CD38: variants seen among roughly 807,000 people sequenced by gnomAD.
CD38 encodes the protein ADP-ribosyl cyclase/cyclic ADP-ribose hydrolase 1.
A neutral mutation model predicts 36.3 loss-of-function variants in CD38; 31 were observed. The ratio of observed to expected loss-of-function variants is 0.85; its 90% CI spans 0.64 to 1.15. The LOEUF (loss-of-function observed/expected upper bound fraction) is 1.15, where lower values mean the gene tolerates loss of function less well. Among genes scored for constraint, CD38 ranks in the 50% most tolerant of loss-of-function variants. The probability of loss-of-function intolerance (pLI) is 0.00; values close to 1 mark genes in which losing one functional copy is unlikely to be tolerated. For missense variants in CD38, 380 were observed against 371.9 expected (o/e 1.02, Z -0.18); for synonymous variants, 131 against 135.2 (o/e 0.97, Z 0.22).
chr4:15,804,128 G>C (rs1723288527), intron 1 of CD38, among the ~76,000 whole-genome samples: 1 of 152,108 alleles, frequency 6.6e-6, no homozygotes, highest in African/African-American at 2.4e-5. Context: ...ATAAGTGCAT[G>C]TCTTTTTTTT....
At chr4:15,841,486 C>T (rs1339925084) in intron 7 of CD38, among the ~76,000 whole-genome samples, 2 of 152,222 alleles carry the variant, frequency 1.3e-5, no homozygotes, top group African/African-American at 4.8e-5. Context: ...GAGCATTCTA[C>T]AGCAGTTAGA....
intron 3 of CD38, chr4:15,825,570 C>G (rs1723828714): frequency 6.6e-6 from 1 of 152,220 alleles, no homozygotes; most frequent in Non-Finnish European, 1.5e-5. Context: ...ATAGCACTAC[C>G]CTTAATGGCA....
chr4:15,826,155 G>GCAA (rs1723839724), intron 3 of CD38: 1 of 151,942 alleles, frequency 6.6e-6, no homozygotes, highest in African/African-American at 2.4e-5. Context: ...ATGCATAAAA[G>GCAA]CAAAAAGCAA....
rs1447124925 is a variant in CD38, at chr4:15,851,502, CT to C, written c.*2904del. 2 of 152,152 alleles carry C rather than the reference CT, an allele frequency of 1.3e-5. No homozygotes were observed. The highest frequency in any genetic ancestry group is 4.8e-5 in the African/African-American group (2 of 41,414). 9.4% of individuals were successfully genotyped at this position (152,152 alleles called of 1,614,324 possible). On this transcript the variant is annotated 3_prime_UTR_variant, in exon 8 of 8. Coordinates refer to ENST00000226279, the MANE Select transcript of CD38 (RefSeq NM_001775.4). ...GGGAATGACCTGGGCCCTAATGCCC[CT>C]TTTCTAAATTCCTAAGGCTCACCAT... is the stretch of plus-strand genomic sequence containing the variant.
At chr4:15,794,897 G>A (rs960253183) in intron 1 of CD38, among the ~76,000 whole-genome samples, 34 of 152,146 alleles carry the variant, frequency 2.2e-4, no homozygotes, top group African/African-American at 8.0e-4. Flanking sequence ...AAAGTAGATA[G>A]AAACAAAAAT....
Position 15,840,061 on chromosome 4 carries a change from CA to C in CD38, c.696del (p.Glu233ArgfsTer6). On this transcript the variant is annotated frameshift_variant, in exon 6 of 8. Transcript: ENST00000226279. LOFTEE classifies it high-confidence loss of function. Reference sequence around the variant, plus strand: ...AGTGTGGAAGTCCATAATTTGCAACCAGAGAAGGTTCAGACACTAGAGGCCT... The same window carrying C: ...AGTGTGGAAGTCCATAATTTGCAACCGAGAAGGTTCAGACACTAGAGGCCT... ...FGSVEVHNLQPEKVQTLEAWV... is the reference protein window; with the variant it reads ...FGSVEVHNLQXEKVQTLEAWV... 1 of 1,613,648 alleles carries C rather than the reference CA, an allele frequency of 6.2e-7. No homozygotes were observed. Among genetic ancestry groups the C allele is most frequent in the Non-Finnish European group, 8.5e-7 (1 of 1,179,656 alleles).
intron 1 of CD38, among the ~76,000 whole-genome samples, chr4:15,815,834 C>G (rs1375979934): frequency 6.6e-6 from 1 of 152,182 alleles, no homozygotes; most frequent in African/African-American, 2.4e-5. Flanking sequence ...ACATCCTTGT[C>G]TCGTGCCACT....
intron 1 of CD38, among the ~76,000 whole-genome samples, chr4:15,781,643 T>A (rs1475975525): frequency 2.6e-5 from 4 of 152,190 alleles, no homozygotes; most frequent in Non-Finnish European, 5.9e-5. Flanking sequence ...GCCCACCACA[T>A]TATGAAGGGT....
intron 2 of CD38, among the ~76,000 whole-genome samples, chr4:15,820,676 G>A (rs773157232): frequency 6.6e-6 from 1 of 151,932 alleles, no homozygotes; most frequent in African/African-American, 2.4e-5. Flanking sequence ...CAGGAACACC[G>A]AGATTCATAA....
chr4:15,778,618 C>G lies in CD38; in HGVS notation c.204C>G (p.Val68=), dbSNP rs779213833. The G allele has an allele frequency of 1.2e-6, 2 of 1,613,384 alleles. No individual in the cohort carries two copies. The change falls in exon 1 of 8, where the codon GTC becomes GTG. Residue 68 remains valine, a synonymous_variant. Coordinates refer to ENST00000226279, the MANE Select transcript of CD38 (RefSeq NM_001775.4). This position sits in a 1 kb window ranked among gnomAD's most constrained non-coding sequence, Gnocchi z 4.9. ...RFPETVLARC[V]KYTEIHPEMR... ...CCGAGACCGTCCTGGCGCGATGCGT[C>G]AAGTACACTGAAATTCATCCTGAGA...
chr4:15,782,036 G>A (rs532396101), intron 1 of CD38, among the ~76,000 whole-genome samples: 17 of 152,252 alleles, frequency 1.1e-4, no homozygotes, highest in African/African-American at 2.9e-4. Flanking sequence ...TAACACGATG[G>A]CTCCTGGGCT....
intron 1 of CD38, among the ~76,000 whole-genome samples, chr4:15,810,171 C>T (rs998827360): frequency 6.6e-6 from 1 of 152,136 alleles, no homozygotes; most frequent in Non-Finnish European, 1.5e-5. Flanking sequence ...AAATTTGTAA[C>T]CTGGACTTTC....
At chr4:15,787,234 A>G (rs978550694) in intron 1 of CD38, among the ~76,000 whole-genome samples, 10 of 152,244 alleles carry the variant, frequency 6.6e-5, no homozygotes, top group African/African-American at 2.4e-4. Flanking sequence ...AGAGCGAGCG[A>G]GGGCCACCAG....
At chr4:15,809,622 A>T (rs867519477) in intron 1 of CD38, among the ~76,000 whole-genome samples, 27 of 152,130 alleles carry the variant, frequency 1.8e-4, no homozygotes, top group African/African-American at 6.3e-4. Flanking sequence ...GACTTCCAAC[A>T]GCACTTCTGG....
intron 4 of CD38, among the ~76,000 whole-genome samples, chr4:15,835,051 C>T (rs529857359): frequency 6.6e-6 from 1 of 152,080 alleles, no homozygotes; most frequent in Non-Finnish European, 1.5e-5. Context: ...CATTGAATAT[C>T]CCCCTTCTGG....
At chr4:15,839,416 T>C (rs1724150994) in intron 5 of CD38, among the ~76,000 whole-genome samples, 1 of 67,830 alleles carries the variant, frequency 1.5e-5, no homozygotes, top group Non-Finnish European at 2.9e-5. Context: ...TCTACATTTC[T>C]TTTTTTTTTT....
At chr4:15,833,953 T>G (rs971468015) in intron 3 of CD38, among the ~76,000 whole-genome samples, 1 of 152,242 alleles carries the variant, frequency 6.6e-6, no homozygotes. Context: ...CTCTGTCAGA[T>G]GAACTTTTGG....
intron 1 of CD38, among the ~76,000 whole-genome samples, chr4:15,798,994 TATC>T: frequency 6.6e-6 from 1 of 152,342 alleles, no homozygotes; most frequent in African/African-American, 2.4e-5. Context: ...ACACTATATT[TATC>T]ACGTCCCTTA....
At chr4:15,790,923 G>A (rs927656678) in intron 1 of CD38, among the ~76,000 whole-genome samples, 4 of 150,632 alleles carry the variant, frequency 2.7e-5, no homozygotes, top group Non-Finnish European at 5.9e-5. Context: ...TGAGAGGTGA[G>A]GAGACCCTCT....
Sources: gnomAD v4.1 joint callset for allele counts (sites outside exome capture counted in the v4.1 genomes callset) on GRCh38, gnomAD v4.1.1 for gene constraint, Gnocchi (gnomAD v3.1) non-coding constraint, MANE v1.5 for transcripts, NCBI Gene and HGNC (gene_info 2026-07-23, HGNC 2026-07-21) for gene names.